The following METTL15 variants were observed in gnomAD, a reference collection of about 807,000 sequenced individuals.
METTL15 encodes the protein methyltransferase 15, mitochondrial 12S rRNA N4-cytidine, also known as 12S rRNA N(4)-cytidine methyltransferase METTL15.
A neutral mutation model predicts 38.3 loss-of-function variants in METTL15; 34 were observed. That is an observed-to-expected ratio of 0.89 (90% CI 0.68 to 1.18). The LOEUF is 1.18. Among genes scored for constraint, METTL15 ranks in the 50% most tolerant of loss-of-function variants. METTL15 has a pLI of 0.00. For synonymous variants in METTL15, 162 were observed against 170.9 expected, an observed-to-expected ratio of 0.95 and a Z score of 0.41; for missense variants, 438 against 498.4, an observed-to-expected ratio of 0.88 and a Z score of 1.15.
At chr11:28,464,552 G>A (rs1362726064) in intron 6 of METTL15, among the ~76,000 whole-genome samples, 1 of 152,204 alleles carries the variant, frequency 6.6e-6, no homozygotes, top group Non-Finnish European at 1.5e-5. Context: ...GGTCATCTCT[G>A]TAGAAACCCT....
intron 4 of METTL15, among the ~76,000 whole-genome samples, chr11:28,251,827 C>T (rs114991493): frequency 2.6e-5 from 4 of 152,020 alleles, no homozygotes; most frequent in African/African-American, 9.7e-5. Context: ...GGACCTCCCA[C>T]CTCTAGTCAC....
chr11:28,430,660 G>A (rs1232411829), intron 6 of METTL15, among the ~76,000 whole-genome samples: 1 of 89,984 alleles, frequency 1.1e-5, no homozygotes, highest in African/African-American at 4.4e-5. Flanking sequence ...GCCTCTGCCC[G>A]GCCACCCCTA....
At chr11:28,161,384 C>T (rs557843816) in intron 3 of METTL15, among the ~76,000 whole-genome samples, 1 of 151,780 alleles carries the variant, frequency 6.6e-6, no homozygotes, top group African/African-American at 2.4e-5. Context: ...CCTGCTTGCA[C>T]CTATGAATGT....
At position 28,273,993 on chromosome 11, in the gene METTL15, C is replaced by A. The variant is rs186694467; in HGVS notation, c.408-16213C>A. On this transcript the variant is annotated intron_variant, in intron 4 of 6. Coordinates refer to ENST00000407364, the MANE Select transcript of METTL15 (RefSeq NM_001113528.2). Reference sequence around the variant, plus strand: ...TAATGCCTGGTTGGGGAGATTATTTCGTACTAATATACACTTGCATATTCT... The same window carrying A: ...TAATGCCTGGTTGGGGAGATTATTTAGTACTAATATACACTTGCATATTCT... Among the ~76,000 whole-genome samples the A allele has an allele frequency of 1.4e-3, 214 of 152,102 alleles. 1 individual carries two copies. Among genetic ancestry groups the A allele is most frequent in the African/African-American group, 4.4e-3 (183 of 41,550 alleles).
chr11:28,485,090 C>T (rs1425718361), intron 6 of METTL15, among the ~76,000 whole-genome samples: 1 of 150,018 alleles, frequency 6.7e-6, no homozygotes, highest in Non-Finnish European at 1.5e-5. Flanking sequence ...TCTGTGACAT[C>T]CCACAATCCA....
chr11:28,215,730 G>T (rs1852836074), intron 4 of METTL15, among the ~76,000 whole-genome samples: 1 of 152,114 alleles, frequency 6.6e-6, no homozygotes, highest in Non-Finnish European at 1.5e-5. Flanking sequence ...GAGGTAGAGA[G>T]AATTAATATT....
At chr11:28,384,686 G>C (rs1379434352) in intron 5 of METTL15, among the ~76,000 whole-genome samples, 2 of 152,110 alleles carry the variant, frequency 1.3e-5, no homozygotes, top group Non-Finnish European at 2.9e-5. Context: ...TCGACTGGTA[G>C]TTCTGTTTTT....
At chr11:28,505,652 CTT>C (rs1476854551) in intron 6 of METTL15, among the ~76,000 whole-genome samples, 1 of 152,148 alleles carries the variant, frequency 6.6e-6, no homozygotes, top group African/African-American at 2.4e-5. Flanking sequence ...GAATAATAAA[CTT>C]GATGAGGGTA....
chr11:28,278,287 G>A (rs549917205), intron 4 of METTL15, among the ~76,000 whole-genome samples: 1 of 152,110 alleles, frequency 6.6e-6, no homozygotes, highest in Non-Finnish European at 1.5e-5. Flanking sequence ...GTGGAATATA[G>A]GATTCAGCAT....
intron 6 of METTL15, among the ~76,000 whole-genome samples, chr11:28,311,764 A>G (rs1406414763): frequency 6.6e-6 from 1 of 152,256 alleles, no homozygotes; most frequent in Non-Finnish European, 1.5e-5. Context: ...GTCTAGAGAT[A>G]TGTTTATTTT....
chr11:28,338,281 A>G (rs1849919754), downstream of METTL15, among the ~76,000 whole-genome samples: 1 of 151,564 alleles, frequency 6.6e-6, no homozygotes, highest in Non-Finnish European at 1.5e-5. Context: ...GATTTCTTAA[A>G]GAATCTACAC....
intron 5 of METTL15, among the ~76,000 whole-genome samples, chr11:28,416,184 C>A (rs1850770766): frequency 2.0e-5 from 3 of 152,236 alleles, no homozygotes; most frequent in Non-Finnish European, 4.4e-5. Context: ...CTCTGCCCAT[C>A]TCTGGCTTCA....
chr11:28,503,097 A>G (rs1040430998), intron 6 of METTL15, among the ~76,000 whole-genome samples: 6 of 152,172 alleles, frequency 3.9e-5, no homozygotes, highest in Admixed American at 3.3e-4. Context: ...CCCAGGACTC[A>G]GGCATTAGAT....
At chr11:28,485,900 A>G (rs553873581) in intron 6 of METTL15, among the ~76,000 whole-genome samples, 3 of 152,254 alleles carry the variant, frequency 2.0e-5, no homozygotes, top group East Asian at 3.9e-4. Context: ...CCTTTCTTCT[A>G]TGCGTGTGCA....
intron 4 of METTL15, among the ~76,000 whole-genome samples, chr11:28,264,631 G>A (rs1244387911): frequency 6.6e-6 from 1 of 151,996 alleles, no homozygotes; most frequent in Non-Finnish European, 1.5e-5. Context: ...GGTATTAGAG[G>A]ATAAACATGT....
At chr11:28,353,780 C>G (rs868639649) in intron 4 of METTL15, among the ~76,000 whole-genome samples, 47 of 151,490 alleles carry the variant, frequency 3.1e-4, no homozygotes, top group African/African-American at 1.1e-3. Context: ...AAAAAATTAG[C>G]CGGGCGCGGT....
chr11:28,455,183 A>G (rs1241864427), intron 6 of METTL15, among the ~76,000 whole-genome samples: 4 of 140,750 alleles, frequency 2.8e-5, no homozygotes, highest in Non-Finnish European at 6.1e-5. Context: ...AACTGACTGT[A>G]TATATAACTC....
At chr11:28,496,375 C>T (rs1350871412) in intron 6 of METTL15, among the ~76,000 whole-genome samples, 1 of 152,158 alleles carries the variant, frequency 6.6e-6, no homozygotes, top group Non-Finnish European at 1.5e-5. Context: ...CATGTGGCCC[C>T]GCCCTGGGCA....
At chr11:28,434,927 G>A (rs1458591891) in intron 6 of METTL15, among the ~76,000 whole-genome samples, 1 of 152,186 alleles carries the variant, frequency 6.6e-6, no homozygotes, top group Non-Finnish European at 1.5e-5. Context: ...AAGAGAGAAG[G>A]CAGAAATGCA....
Sources: allele counts gnomAD v4.1 joint callset (sites outside exome capture counted in the v4.1 genomes callset), GRCh38; gene constraint gnomAD v4.1.1; transcripts MANE v1.5; gene names NCBI Gene and HGNC (gene_info 2026-07-23, HGNC 2026-07-21).